Variants in ITSN1 observed in about 807,000 individuals in gnomAD.
ITSN1 encodes intersectin-1.
In ITSN1, 58 loss-of-function variants were observed where a neutral mutation model predicts 239.8. The observed-to-expected ratio is 0.24, with a 90% CI of 0.20 to 0.30. The LOEUF (loss-of-function observed/expected upper bound fraction) is 0.30, where lower values mean the gene tolerates loss of function less well. Among genes scored for constraint, ITSN1 ranks in the 10% least tolerant of loss-of-function variants. The pLI is 1.00. For missense variants in ITSN1, 1,558 were observed against 2,103.3 expected, an observed-to-expected ratio of 0.74 and a Z score of 5.07; for synonymous variants, 780 against 770.8, an observed-to-expected ratio of 1.01 and a Z score of -0.20.
rs970799207 is a variant in ITSN1 at position 33,709,407 on chromosome 21, C to T, written c.-32-9390C>T. Among the ~76,000 whole-genome samples the T allele has an allele frequency of 8.5e-5, 13 of 152,154 alleles. No individual in the cohort carries two copies. In the South Asian group the frequency reaches 1.5e-3, roughly 17 times the overall value. Reference sequence around the variant, plus strand: ...CCAGGCTGGGCCTCCCGGGTTCAAGCGATTTTCATGCCTCAGCCTCCCAAG... The same window carrying T: ...CCAGGCTGGGCCTCCCGGGTTCAAGTGATTTTCATGCCTCAGCCTCCCAAG... On this transcript the variant is annotated intron_variant, in intron 1 of 39. Coordinates refer to ENST00000381318, the MANE Select transcript of ITSN1 (RefSeq NM_003024.3).
At chr21:33,854,480 A>C (rs1228914979) in intron 29 of ITSN1, among the ~76,000 whole-genome samples, 1 of 152,210 alleles carries the variant, frequency 6.6e-6, no homozygotes, top group Non-Finnish European at 1.5e-5. Flanking sequence ...ACTCACTCAC[A>C]GGAGAGTGGG....
Position 33,782,113 on chromosome 21 carries a change from A to G in ITSN1, c.1804A>G (p.Ile602Val). 1 of 1,613,704 alleles carries G rather than the reference A, an allele frequency of 6.2e-7. No individual in the cohort carries two copies. Among genetic ancestry groups the G allele is most frequent in the Non-Finnish European group, 8.5e-7 (1 of 1,179,858 alleles). ...ETRSKLQEID[I>V]FNNQLKELRE... ...TAGATCAAAACTACAGGAGATTGAT[A>G]TTTTCAATAATCAGCTGAAGGTAAC... Residue 602 changes from isoleucine to valine, a missense_variant, in exon 16 of 40, where the codon ATT becomes GTT. This residue lies in a region of ITSN1 where 982 missense variants were observed against 1,209.9 expected (regional missense o/e 0.81). Transcript: ENST00000381318.
Position 33,797,320 on chromosome 21 carries a change from C to A in ITSN1, c.1953-59C>A. The A allele has an allele frequency of 6.9e-7, 1 of 1,447,672 alleles. No homozygotes were observed. The highest frequency in any genetic ancestry group is 9.7e-7 in the Non-Finnish European group (1 of 1,034,754). The allele number at this position is 1,447,672 out of a possible 1,614,324, so 89.7% of individuals were successfully genotyped here. A position where few individuals can be genotyped will look rare whatever the true frequency, so the allele number is the denominator to read the frequency against. On this transcript the variant is annotated intron_variant, in intron 17 of 39. Transcript: ENST00000381318. This position sits in a 1 kb window ranked among gnomAD's most constrained non-coding sequence, Gnocchi z 4.9. ...ATGGAGCTTTTTTTGTGAAAAGAGG[C>A]AACAGTAGTGTTAACTTAGAGTTGC...
chr21:33,872,386 C>T (rs991775298), intron 33 of ITSN1, among the ~76,000 whole-genome samples: 3 of 151,882 alleles, frequency 2.0e-5, no homozygotes, highest in Non-Finnish European at 4.4e-5. Flanking sequence ...GGGTCTACCC[C>T]AATAATGATA....
At chr21:33,673,387 A>AAC (rs558675790) in intron 1 of ITSN1, among the ~76,000 whole-genome samples, 1 of 152,166 alleles carries the variant, frequency 6.6e-6, no homozygotes, top group African/African-American at 2.4e-5. Flanking sequence ...AGGTACTCTT[A>AAC]ACACACACAC....
chr21:33,886,916 A>G (rs1188769775), intron 39 of ITSN1, among the ~76,000 whole-genome samples: 4 of 152,222 alleles, frequency 2.6e-5, no homozygotes, highest in African/African-American at 7.2e-5. Flanking sequence ...GGATGCAGTC[A>G]TGTTGAATGA....
At chr21:33,726,941 AT>A (rs1456365869) in intron 4 of ITSN1, among the ~76,000 whole-genome samples, 3 of 152,230 alleles carry the variant, frequency 2.0e-5, no homozygotes, top group African/African-American at 7.2e-5. Context: ...TGGACAGTAT[AT>A]GTTAGAAACC....
At chr21:33,693,267 G>C (rs998580993) in intron 1 of ITSN1, among the ~76,000 whole-genome samples, 2 of 151,974 alleles carry the variant, frequency 1.3e-5, no homozygotes, top group African/African-American at 4.8e-5. Context: ...CTTCTCTTGG[G>C]ACTAGTCTTG....
At position 33,782,037 on chromosome 21, in the gene ITSN1, A is replaced by T; in HGVS notation, c.1728A>T (p.Glu576Asp). 6.2e-7 allele frequency: 1 copy of T among 1,613,746 alleles called. No individual in the cohort carries two copies. Among genetic ancestry groups the T allele is most frequent in the South Asian group, 1.1e-5 (1 of 91,014 alleles). ...VTLKRALEAK[E>D]LARQHLRDQL... Reference sequence around the variant, plus strand: ...TTAAAAGAGCCTTAGAAGCAAAAGAACTAGCTCGGCAGCACCTACGAGACC... The same window carrying T: ...TTAAAAGAGCCTTAGAAGCAAAAGATCTAGCTCGGCAGCACCTACGAGACC... The change falls in exon 16 of 40, where the codon GAA (glutamate) becomes GAT (aspartate). Residue 576 changes from glutamate to aspartate, a missense_variant. This residue lies in a region of ITSN1 where 982 missense variants were observed against 1,209.9 expected (regional missense o/e 0.81). Transcript: ENST00000381318.
chr21:33,798,136 C>T (rs946097796), intron 18 of ITSN1, among the ~76,000 whole-genome samples: 5 of 152,142 alleles, frequency 3.3e-5, no homozygotes, highest in East Asian at 1.9e-4. Context: ...CTCACTCTGT[C>T]GCCTAGGCTA....
At chr21:33,855,268 A>C (rs1448664149) in intron 29 of ITSN1, among the ~76,000 whole-genome samples, 1 of 152,178 alleles carries the variant, frequency 6.6e-6, no homozygotes, top group African/African-American at 2.4e-5. Context: ...CCCAGCCCCC[A>C]ACTCCAGAGT....
chr21:33,657,341 T>G (rs954907755), intron 1 of ITSN1, among the ~76,000 whole-genome samples: 1 of 152,200 alleles, frequency 6.6e-6, no homozygotes, highest in Non-Finnish European at 1.5e-5. Context: ...TTAGTTTCAT[T>G]TCTTTCCATA....
chr21:33,746,974 C>T (rs1455312233), intron 5 of ITSN1, among the ~76,000 whole-genome samples: 2 of 151,756 alleles, frequency 1.3e-5, no homozygotes, highest in Non-Finnish European at 2.9e-5. Flanking sequence ...GCCAACATGA[C>T]GAAACCCCGT....
At chr21:33,838,331 A>G (rs2148418839) in intron 29 of ITSN1, 4 of 985,326 alleles carry the variant, frequency 4.1e-6, no homozygotes, top group South Asian at 9.4e-5. Flanking sequence ...CTCCTTTCAC[A>G]TGGTGCAGAG....
Position 33,762,270 on chromosome 21 carries a change from C to CT in ITSN1, c.788+297dup, listed in dbSNP as rs1218226970. Among the ~76,000 whole-genome samples the CT allele has an allele frequency of 9.2e-3, 1,326 of 144,224 alleles. 15 individuals are homozygous for CT. Among genetic ancestry groups the CT allele is most frequent in the African/African-American group, 0.027 (1,071 of 39,698 alleles). 94.6% of individuals were successfully genotyped at this position (144,224 alleles called of 152,430 possible). On this transcript the variant is annotated intron_variant, in intron 9 of 39. Coordinates refer to ENST00000381318, the MANE Select transcript of ITSN1 (RefSeq NM_003024.3). ...CTCTCCCTGTCTTTGATTTCTTTTT[C>CT]TTTTTTTTTTTTTGAGATGGAGTTT...
intron 8 of ITSN1, among the ~76,000 whole-genome samples, chr21:33,758,520 T>C (rs1017650645): frequency 1.3e-5 from 2 of 150,146 alleles, no homozygotes; most frequent in African/African-American, 4.9e-5. Context: ...AACTGTTGCA[T>C]GCCCTTAAAA....
chr21:33,868,283 C>G (rs868046739), intron 33 of ITSN1, among the ~76,000 whole-genome samples: 65 of 152,220 alleles, frequency 4.3e-4, no homozygotes, highest in African/African-American at 1.3e-3. Flanking sequence ...GGGGCTGCAG[C>G]TGGAGCTGCC....
At chr21:33,756,662 C>G (rs2067941294) in intron 8 of ITSN1, 1 of 152,110 alleles carries the variant, frequency 6.6e-6, no homozygotes, top group African/African-American at 2.4e-5. Flanking sequence ...CCCAAATAAG[C>G]ATGTATTTAT....
chr21:33,814,471 A>G, intron 22 of ITSN1: 1 of 176,744 alleles, frequency 5.7e-6, no homozygotes, highest in South Asian at 1.6e-4. Context: ...TAGACCATTG[A>G]GTTTTTTTTG....
Sources: allele counts gnomAD v4.1 joint callset (sites outside exome capture counted in the v4.1 genomes callset), GRCh38; gene constraint gnomAD v4.1.1; regional missense constraint gnomAD v4.1.1; non-coding constraint Gnocchi (gnomAD v3.1); transcripts MANE v1.5; gene names NCBI Gene and HGNC (gene_info 2026-07-23, HGNC 2026-07-21).